OR2AG2: variants seen among roughly 807,000 people sequenced by gnomAD.
OR2AG2 encodes olfactory receptor family 2 subfamily AG member 2.
For missense variants in OR2AG2, 390 were observed against 391.9 expected, an observed-to-expected ratio of 1.00 and a Z score of 0.04; for synonymous variants, 167 against 157.1, an observed-to-expected ratio of 1.06 and a Z score of -0.47.
Position 6,767,655 on chromosome 11 carries a change from A to T in OR2AG2, c.*352T>A. The T allele has an allele frequency of 4.3e-6, 1 of 235,086 alleles. No homozygotes were observed. The highest frequency in any genetic ancestry group is 5.0e-5 in the Admixed American group (1 of 19,832). 14.6% of individuals were successfully genotyped at this position (235,086 alleles called of 1,614,324 possible). On this transcript the variant is annotated 3_prime_UTR_variant, in exon 2 of 2. Transcript: ENST00000641124. Reference sequence around the variant, plus strand: ...TACTGCTGCTTCTCACTGCTATGTGATGTTAAAATGGAAAGCTAATCCCCT... The same window carrying T: ...TACTGCTGCTTCTCACTGCTATGTGTTGTTAAAATGGAAAGCTAATCCCCT...
At chr11:6,770,285 C>G (rs1847434902) in intron 1 of OR2AG2, among the ~76,000 whole-genome samples, 1 of 151,570 alleles carries the variant, frequency 6.6e-6, no homozygotes, top group Non-Finnish European at 1.5e-5. Context: ...AAAGAAAATA[C>G]ACTAGGAGAA....
At position 6,768,847 on chromosome 11, in the gene OR2AG2, C is replaced by T. The variant is rs750486869; in HGVS notation, c.111G>A (p.Leu37=). The part of the protein sequence containing the change: ...LYATFTILYM[L]ALTSNGLLLL... ...GCAGCAGACCATTGCTGGTCAGTGCCAACATGTATAGGATTGTAAATGTAG... is the reference window on the plus strand; with the variant it reads ...GCAGCAGACCATTGCTGGTCAGTGCTAACATGTATAGGATTGTAAATGTAG... The change falls in exon 2 of 2, where the codon TTG becomes TTA. Residue 37 remains leucine, a synonymous_variant. Transcript: ENST00000641124. The T allele has an allele frequency of 5.6e-6, 9 of 1,614,054 alleles. No homozygotes were observed. In the South Asian group the frequency reaches 9.9e-5, roughly 18 times the overall value.
rs1847418638 is a variant in OR2AG2 at position 6,769,200 on chromosome 11, C to G, written c.-243G>C. 1 of 440,958 alleles carries G rather than the reference C, an allele frequency of 2.3e-6. No homozygotes were observed. Among genetic ancestry groups the G allele is most frequent in the African/African-American group, 2.0e-5 (1 of 50,710 alleles). The allele number at this position is 440,958 out of a possible 1,614,324, so 27.3% of individuals were successfully genotyped here. The stretch of plus-strand genomic sequence containing the variant: ...TGTTAATAGTAATCATTTAGAAATC[C>G]CTTCAAATAAGGTATCCTGAAGAAT... On this transcript the variant is annotated 5_prime_UTR_variant, in exon 2 of 2. Transcript: ENST00000641124.
chr11:6,768,328 G>T lies in OR2AG2; in HGVS notation c.630C>A (p.Pro210=), dbSNP rs759414867. 2 of 1,613,920 alleles carry T rather than the reference G, an allele frequency of 1.2e-6. No individual in the cohort carries two copies. The highest frequency in any genetic ancestry group is 2.2e-5 in the South Asian group (2 of 91,046). Residue 210 remains proline (P), a synonymous_variant, in exon 2 of 2, where the codon CCC becomes CCA. Transcript: ENST00000641124. ...YVTGVTFLLL[P]ISAIVASYTL... ...TGTAGGAGGCCACAATGGCAGAAAT[G>T]GGGAGCAAGAGGAAAGTCACACCTG...
In OR2AG2 at chr11:6,767,980, T is replaced by C. The variant is rs368918144; in HGVS notation, c.*27A>G. On this transcript the variant is annotated 3_prime_UTR_variant, in exon 2 of 2. Transcript: ENST00000641124. ...TAGAGAATTTTATCTGGAGGAGGAA[T>C]GGTGAGAGGCAAGCCATGATCCTTC... 71 of 1,555,434 alleles carry C rather than the reference T, an allele frequency of 4.6e-5. No homozygotes were observed. The highest frequency in any genetic ancestry group is 5.3e-5 in the Non-Finnish European group (61 of 1,145,606).
rs906785717 is a variant in OR2AG2 at position 6,766,499 on chromosome 11, T to C, written c.*1508A>G. 2 of 152,176 alleles carry C rather than the reference T, an allele frequency of 1.3e-5. No homozygotes were observed. Among genetic ancestry groups the C allele is most frequent in the Admixed American group, 1.3e-4 (2 of 15,278 alleles). 9.4% of individuals were successfully genotyped at this position (152,176 alleles called of 1,614,324 possible). ...ACAAAGTTGGATTAATTTTATAGAT[T>C]AGCTTTATCTTTTATTTTTTATGGT... On this transcript the variant is annotated 3_prime_UTR_variant, in exon 2 of 2. Coordinates refer to ENST00000641124, the MANE Select transcript of OR2AG2 (RefSeq NM_001004490.2).
chr11:6,767,851 A>C lies in OR2AG2; in HGVS notation c.*156T>G. The C allele has an allele frequency of 1.5e-6, 1 of 650,566 alleles. No homozygotes were observed. The highest frequency in any genetic ancestry group is 2.6e-6 in the Non-Finnish European group (1 of 380,846). The allele number at this position is 650,566 out of a possible 1,614,324, so 40.3% of individuals were successfully genotyped here. On this transcript the variant is annotated 3_prime_UTR_variant, in exon 2 of 2. Coordinates refer to ENST00000641124, the MANE Select transcript of OR2AG2 (RefSeq NM_001004490.2). ...AGATCATTGTACACACCAGATTCACAGTTGAAAATAAAAGTAAAATTTAAA... is the reference window on the plus strand; with the variant it reads ...AGATCATTGTACACACCAGATTCACCGTTGAAAATAAAAGTAAAATTTAAA...
rs779464890 is a variant in OR2AG2, at chr11:6,768,258, T to C, written c.700A>G (p.Arg234Gly). 11 of 1,613,972 alleles carry C rather than the reference T, an allele frequency of 6.8e-6. No homozygotes were observed. The East Asian group carries it at 2.5e-4, about 36-fold the overall frequency. ...TVLRMPSNEGRKKALVTCSSH... is the reference protein window; with the variant it reads ...TVLRMPSNEGGKKALVTCSSH... ...GAGCAGGTGACAAGGGCTTTCTTCC[T>C]CCCCTCATTTGATGGCATACGAAGC... is the stretch of plus-strand genomic sequence containing the variant. The change falls in exon 2 of 2, where the codon AGG becomes GGG. Residue 234 changes from arginine to glycine, a missense_variant. Arg to Gly is a moderately radical substitution (Grantham distance 125). Coordinates refer to ENST00000641124, the MANE Select transcript of OR2AG2 (RefSeq NM_001004490.2).
rs1344398902 is a variant in OR2AG2 at position 6,766,240 on chromosome 11, A to G, written c.*1767T>C. 3 of 152,162 alleles carry G rather than the reference A, an allele frequency of 2.0e-5. No individual in the cohort carries two copies. The highest frequency in any genetic ancestry group is 4.4e-5 in the Non-Finnish European group (3 of 68,010). The allele number at this position is 152,162 out of a possible 1,614,324, so 9.4% of individuals were successfully genotyped here. ...AGCGTTCAAAGATGCATAGATGACC[A>G]AAGGAAGAGAGGGATTCAAATGCGG... On this transcript the variant is annotated 3_prime_UTR_variant, in exon 2 of 2. Transcript: ENST00000641124.
rs763557962 is a variant in OR2AG2 at position 6,768,529 on chromosome 11, G to T, written c.429C>A (p.Ile143=). ...MTLMSPRVCW[I]MVATSWILAS... is the part of the protein sequence containing the mutation. Reference sequence around the variant, plus strand: ...CCAGGATCCAGGATGTGGCCACCATGATCCAGCAGACTCTTGGGCTCATGA... The same window carrying T: ...CCAGGATCCAGGATGTGGCCACCATTATCCAGCAGACTCTTGGGCTCATGA... The change falls in exon 2 of 2, where the codon ATC becomes ATA. Residue 143 remains isoleucine, a synonymous_variant. Transcript: ENST00000641124. 9.3e-6 allele frequency: 15 copies of T among 1,614,094 alleles called. No individual in the cohort carries two copies. Among genetic ancestry groups the T allele is most frequent in the East Asian group, 2.2e-5 (1 of 44,878 alleles).
chr11:6,768,766 C>T lies in OR2AG2; in HGVS notation c.192G>A (p.Gly64=). 6.2e-7 allele frequency: 1 copy of T among 1,614,070 alleles called. No individual in the cohort carries two copies. Among genetic ancestry groups the T allele is most frequent in the Non-Finnish European group, 8.5e-7 (1 of 1,179,980 alleles). ...RLHMPMYLLL[G]QLSLMDLLFT... The stretch of plus-strand genomic sequence containing the variant: ...ACAGGAGGTCCATGAGAGAGAGCTG[C>T]CCAAGCAGGAGGTACATGGGCATGT... The change falls in exon 2 of 2, where the codon GGG becomes GGA. Residue 64 remains glycine, a synonymous_variant. Transcript: ENST00000641124.
chr11:6,768,800 G>A lies in OR2AG2; in HGVS notation c.158C>T (p.Ala53Val). The change falls in exon 2 of 2, where the codon GCC (alanine) becomes GTC (valine). Residue 53 changes from alanine (A) to valine (V), a missense_variant. Transcript: ENST00000641124. ...GAGGTACATGGGCATGTGGAGCCGG[G>A]CTTCTATGGTGATGGCCAGGAGCAG... ...GLLLLAITIE[A>V]RLHMPMYLLL... The A allele has an allele frequency of 6.2e-7, 1 of 1,614,132 alleles. No individual in the cohort carries two copies. Among genetic ancestry groups the A allele is most frequent in the Non-Finnish European group, 8.5e-7 (1 of 1,180,014 alleles).
In OR2AG2 at chr11:6,768,516, A is replaced by G; in HGVS notation, c.442T>C (p.Ser148Pro). Residue 148 changes from serine (S) to proline (P), a missense_variant, in exon 2 of 2, where the codon TCC becomes CCC. By Grantham distance (74) the Ser-to-Pro change is moderately conservative (BLOSUM62 -1). Transcript: ENST00000641124. ...PRVCWIMVATSWILASLIAIG... is the reference protein window; with the variant it reads ...PRVCWIMVATPWILASLIAIG... Reference sequence around the variant, plus strand: ...GCAATCAGGGATGCCAGGATCCAGGATGTGGCCACCATGATCCAGCAGACT... The same window carrying G: ...GCAATCAGGGATGCCAGGATCCAGGGTGTGGCCACCATGATCCAGCAGACT... 1.2e-6 allele frequency: 2 copies of G among 1,614,078 alleles called. No individual in the cohort carries two copies. The highest frequency in any genetic ancestry group is 2.2e-5 in the South Asian group (2 of 91,062).
At position 6,769,713 on chromosome 11, in the gene OR2AG2, A is replaced by C. The variant is rs186500725; in HGVS notation, c.-537-219T>G. ...AGGGGTGAGCTACAAAGGAGGAGAC[A>C]TTGTAGAAACGGCCCAAAGCAATAG... On this transcript the variant is annotated intron_variant, in intron 1 of 1. Coordinates refer to ENST00000641124, the MANE Select transcript of OR2AG2 (RefSeq NM_001004490.2). Among the ~76,000 whole-genome samples, 92 of 152,326 alleles carry C rather than the reference A, an allele frequency of 6.0e-4. 1 individual carries two copies. Among genetic ancestry groups the C allele is most frequent in the Non-Finnish European group, 1.1e-3 (75 of 68,028 alleles).
rs1319022579 is a variant in OR2AG2, at chr11:6,766,509, TTTTA to T, written c.*1494_*1497del. ...ATTAATTTTATAGATTAGCTTTATC[TTTTA>T]TTTTTTATGGTTTAGCTTTATAGAT... On this transcript the variant is annotated 3_prime_UTR_variant, in exon 2 of 2. Coordinates refer to ENST00000641124, the MANE Select transcript of OR2AG2 (RefSeq NM_001004490.2). 6.6e-6 allele frequency: 1 copy of T among 152,164 alleles called. No homozygotes were observed. 9.4% of individuals were successfully genotyped at this position (152,164 alleles called of 1,614,324 possible).
rs775487347 is a variant in OR2AG2, at chr11:6,768,829, A to G, written c.129T>C (p.Gly43=). The G allele has an allele frequency of 6.2e-6, 10 of 1,614,104 alleles. No individual in the cohort carries two copies. The highest frequency in any genetic ancestry group is 1.7e-5 in the Admixed American group (1 of 60,028). The change falls in exon 2 of 2, where the codon GGT becomes GGC. Residue 43 remains glycine (G), a synonymous_variant. Coordinates refer to ENST00000641124, the MANE Select transcript of OR2AG2 (RefSeq NM_001004490.2). ...ILYMLALTSN[G]LLLLAITIEA... ...CTATGGTGATGGCCAGGAGCAGCAG[A>G]CCATTGCTGGTCAGTGCCAACATGT...
Position 6,771,844 on chromosome 11 carries a change from G to A in OR2AG2, c.-760C>T, listed in dbSNP as rs1847452784. ...TAGGGCAGGATCCTGCAGAAGTGAGGAGCTGAATCTCTTCCAAAGTTCTCT... is the reference window on the plus strand; with the variant it reads ...TAGGGCAGGATCCTGCAGAAGTGAGAAGCTGAATCTCTTCCAAAGTTCTCT... On this transcript the variant is annotated 5_prime_UTR_variant, in exon 1 of 2. Transcript: ENST00000641124. 2.0e-5 allele frequency: 3 copies of A among 152,204 alleles called. No homozygotes were observed. In the South Asian group the frequency reaches 6.2e-4, roughly 32 times the overall value. The allele number at this position is 152,204 out of a possible 1,614,324, so 9.4% of individuals were successfully genotyped here. A position where few individuals can be genotyped will look rare whatever the true frequency, so the allele number is the denominator to read the frequency against.
rs1364892004 is a variant in OR2AG2 at position 6,768,554 on chromosome 11, A to G, written c.404T>C (p.Leu135Pro). ...GATCCAGCAGACTCTTGGGCTCATG[A>G]GGGTCATGTATTTCAGAGGATGACA... is the stretch of plus-strand genomic sequence containing the variant. Reference protein sequence around the residue: ...AICHPLKYMTLMSPRVCWIMV... With the variant: ...AICHPLKYMTPMSPRVCWIMV... The change falls in exon 2 of 2, where the codon CTC becomes CCC. Residue 135 changes from leucine (L) to proline (P), a missense_variant. Transcript: ENST00000641124. 1 of 1,614,134 alleles carries G rather than the reference A, an allele frequency of 6.2e-7. No individual in the cohort carries two copies. The highest frequency in any genetic ancestry group is 1.7e-5 in the Admixed American group (1 of 60,024).
intron 1 of OR2AG2, among the ~76,000 whole-genome samples, chr11:6,769,788 C>G (rs750590193): frequency 3.9e-5 from 6 of 152,062 alleles, no homozygotes; most frequent in Non-Finnish European, 8.8e-5. Context: ...GAAGATTTCT[C>G]CCCACAAATC....
Sources: allele counts gnomAD v4.1 joint callset (sites outside exome capture counted in the v4.1 genomes callset), GRCh38; gene constraint gnomAD v4.1.1; transcripts MANE v1.5; gene names NCBI Gene and HGNC (gene_info 2026-07-23, HGNC 2026-07-21).